Variants in CCSER1 observed in about 807,000 individuals in gnomAD.
CCSER1 encodes coiled-coil serine rich protein 1.
A neutral mutation model predicts 82.0 loss-of-function variants in CCSER1; 41 were observed. The ratio of observed to expected loss-of-function variants is 0.50; its 90% CI spans 0.39 to 0.65. The LOEUF (loss-of-function observed/expected upper bound fraction) is 0.65. Ranked by LOEUF, CCSER1 falls within the 30% of genes least tolerant of loss-of-function variation. The probability of loss-of-function intolerance (pLI) is 0.00; values close to 1 mark genes in which losing one functional copy is unlikely to be tolerated. For missense variants in CCSER1, 1,119 were observed against 1,064.2 expected (o/e 1.05, Z -0.72); for synonymous variants, 414 against 383.9 (o/e 1.08, Z -0.92).
In CCSER1 at chr4:90,308,245, C is replaced by A; in HGVS notation, c.-40C>A. 6.8e-7 allele frequency: 1 copy of A among 1,480,650 alleles called. No individual in the cohort carries two copies. The highest frequency in any genetic ancestry group is 9.0e-7 in the Non-Finnish European group (1 of 1,115,948). The allele number at this position is 1,480,650 out of a possible 1,614,324, so 91.7% of individuals were successfully genotyped here. On this transcript the variant is annotated splice_region_variant and 5_prime_UTR_variant, in exon 2 of 11. The change creates a new upstream start codon in the 5' untranslated region. Transcript: ENST00000509176. ...TGTTTTTGTTTTAACCTTTCTCAGG[C>A]TGCAAAGTTGGCTTTCACAGTGCAA...
intron 8 of CCSER1, among the ~76,000 whole-genome samples, chr4:90,850,990 C>A (rs1402338708): frequency 2.6e-5 from 4 of 152,202 alleles, no homozygotes; most frequent in Admixed American, 6.5e-5. Flanking sequence ...GCAGTTTCCC[C>A]CTGTGCTCTT....
intron 9 of CCSER1, among the ~76,000 whole-genome samples, chr4:90,927,466 G>T (rs1346650039): frequency 6.6e-6 from 1 of 151,752 alleles, no homozygotes; most frequent in African/African-American, 2.4e-5. Flanking sequence ...TTTCAATTTG[G>T]CTTCTTAAAA....
rs1758843229 is a variant in CCSER1 at position 91,496,622 on chromosome 4, A to ATATATATATATTCAAT, written c.2218-101945_2218-101944insATATATTCAATTATAT. Among the ~76,000 whole-genome samples, 8 of 14,926 alleles carry ATATATATATATTCAAT rather than the reference A, an allele frequency of 5.4e-4. 2 individuals are homozygous for ATATATATATATTCAAT. Among genetic ancestry groups the ATATATATATATTCAAT allele is most frequent in the Non-Finnish European group, 8.9e-4 (4 of 4,512 alleles). The allele number at this position is 14,926 out of a possible 152,430, so 9.8% of individuals were successfully genotyped here. A position where few individuals can be genotyped will look rare whatever the true frequency, so the allele number is the denominator to read the frequency against. Reference sequence around the variant, plus strand: ...TATTTGAATATATATATACACGAATATATATTTGAATATATATATATTCAA... The same window carrying ATATATATATATTCAAT: ...TATTTGAATATATATATACACGAATATATATATATATTCAATTATATTTGAATATATATATATTCAA... On this transcript the variant is annotated intron_variant, in intron 10 of 10. Transcript: ENST00000509176.
At chr4:91,009,514 T>C (rs1738827600) in intron 9 of CCSER1, among the ~76,000 whole-genome samples, 1 of 152,212 alleles carries the variant, frequency 6.6e-6, no homozygotes, top group Non-Finnish European at 1.5e-5. Flanking sequence ...GAAATCCAGC[T>C]AGTCCTGTCT....
intron 5 of CCSER1, among the ~76,000 whole-genome samples, chr4:90,488,349 A>G (rs1767452741): frequency 6.6e-6 from 1 of 151,068 alleles, no homozygotes; most frequent in Non-Finnish European, 1.5e-5. Context: ...CACCACACCC[A>G]GCTAATTTTT....
intron 7 of CCSER1, among the ~76,000 whole-genome samples, chr4:90,779,190 T>G (rs1446372175): frequency 6.6e-6 from 1 of 152,216 alleles, no homozygotes; most frequent in Non-Finnish European, 1.5e-5. Flanking sequence ...CAAGTGCCAT[T>G]CAATCCAATT....
At position 90,815,753 on chromosome 4, in the gene CCSER1, T is replaced by C. The variant is rs1219469623; in HGVS notation, c.2011-9T>C. The C allele has an allele frequency of 1.3e-6, 2 of 1,547,024 alleles. No homozygotes were observed. Among genetic ancestry groups the C allele is most frequent in the African/African-American group, 1.4e-5 (1 of 72,966 alleles). ...AGCCTATTATGCTGTCTCTTTGATG[T>C]TTTTATAGGATATAATGAAAGATGA... On this transcript the variant is annotated splice_polypyrimidine_tract_variant and intron_variant, in intron 7 of 10. Transcript: ENST00000509176.
chr4:91,357,475 A>G (rs892762370), intron 10 of CCSER1, among the ~76,000 whole-genome samples: 7 of 152,166 alleles, frequency 4.6e-5, no homozygotes, highest in African/African-American at 1.7e-4. Flanking sequence ...ACTTTAGCTA[A>G]TATGTTTACA....
chr4:91,279,114 G>A (rs74693789), intron 10 of CCSER1, among the ~76,000 whole-genome samples: 59 of 151,418 alleles, frequency 3.9e-4, no homozygotes, highest in Non-Finnish European at 8.3e-4. Context: ...CCTGGCCTGT[G>A]AGGTTTCTGT....
At chr4:90,595,162 A>T (rs1005514450) in intron 5 of CCSER1, among the ~76,000 whole-genome samples, 1 of 151,954 alleles carries the variant, frequency 6.6e-6, no homozygotes, top group Admixed American at 6.6e-5. Flanking sequence ...TGTAATTTCG[A>T]ATGCAATGTA....
chr4:90,528,470 C>G (rs1043515434), intron 5 of CCSER1, among the ~76,000 whole-genome samples: 1 of 152,076 alleles, frequency 6.6e-6, no homozygotes, highest in Admixed American at 6.5e-5. Context: ...TGTTCCAATG[C>G]TTTGGTGGAC....
chr4:90,581,871 G>A (rs1193194409), intron 5 of CCSER1, among the ~76,000 whole-genome samples: 2 of 150,424 alleles, frequency 1.3e-5, no homozygotes, highest in East Asian at 3.9e-4. Flanking sequence ...TAGAGGAAAG[G>A]AATGACTTTT....
chr4:90,850,985 T>A (rs1763811825), intron 8 of CCSER1, among the ~76,000 whole-genome samples: 1 of 152,112 alleles, frequency 6.6e-6, no homozygotes, highest in Admixed American at 6.6e-5. Flanking sequence ...TGGACGCAGT[T>A]TCCCCCTGTG....
chr4:90,866,445 A>C (rs1470911331), intron 8 of CCSER1, among the ~76,000 whole-genome samples: 1 of 152,080 alleles, frequency 6.6e-6, no homozygotes, highest in Non-Finnish European at 1.5e-5. Context: ...GCAATGAGAT[A>C]GTTTGTATAG....
At chr4:91,132,332 A>C (rs1380167436) in intron 10 of CCSER1, among the ~76,000 whole-genome samples, 1 of 152,180 alleles carries the variant, frequency 6.6e-6, no homozygotes, top group African/African-American at 2.4e-5. Flanking sequence ...AGGACTGTGA[A>C]GGTGTACAAA....
chr4:91,216,870 T>G (rs1195517743), intron 10 of CCSER1, among the ~76,000 whole-genome samples: 1 of 152,172 alleles, frequency 6.6e-6, no homozygotes, highest in Non-Finnish European at 1.5e-5. Flanking sequence ...TGCTATTGTT[T>G]GGAACACAAA....
At chr4:91,178,099 G>C (rs1324475650) in intron 10 of CCSER1, among the ~76,000 whole-genome samples, 2 of 152,172 alleles carry the variant, frequency 1.3e-5, no homozygotes, top group African/African-American at 4.8e-5. Flanking sequence ...AGGTTGTTCA[G>C]TTTCCATGTA....
At chr4:91,151,649 G>A (rs550691542) in intron 10 of CCSER1, among the ~76,000 whole-genome samples, 1 of 152,272 alleles carries the variant, frequency 6.6e-6, no homozygotes, top group African/African-American at 2.4e-5. Context: ...CTTTAACTGT[G>A]TCCCAGAGAT....
At chr4:90,156,678 C>A (rs186772944) in intron 1 of CCSER1, among the ~76,000 whole-genome samples, 1 of 151,892 alleles carries the variant, frequency 6.6e-6, no homozygotes, top group African/African-American at 2.4e-5. Flanking sequence ...CTGTTTTATC[C>A]GAGACTGGGA....
Sources: allele counts gnomAD v4.1 joint callset (sites outside exome capture counted in the v4.1 genomes callset), GRCh38; gene constraint gnomAD v4.1.1; transcripts MANE v1.5; gene names NCBI Gene and HGNC (gene_info 2026-07-23, HGNC 2026-07-21).